CDH3: variants seen among roughly 807,000 people sequenced by gnomAD.
CDH3 encodes cadherin-3.
Under a neutral mutation model 82.0 loss-of-function variants are expected in CDH3, and 54 were observed. The observed-to-expected ratio is 0.66, with a 90% confidence interval of 0.53 to 0.83. The LOEUF is 0.83. CDH3 is among the 40% of genes least tolerant of loss of function. The probability of loss-of-function intolerance (pLI) is 0.00; values close to 1 mark genes in which losing one functional copy is unlikely to be tolerated. For synonymous variants in CDH3, 446 were observed against 437.9 expected, an observed-to-expected ratio of 1.02 and a Z score of -0.23; for missense variants, 1,054 against 1,084.6, an observed-to-expected ratio of 0.97 and a Z score of 0.40.
intron 2 of CDH3, among the ~76,000 whole-genome samples, chr16:68,660,966 CAAAA>C (rs10590071): frequency 9.4e-5 from 11 of 117,020 alleles, no homozygotes; most frequent in Admixed American, 3.6e-4. Context: ...GACTCCGTCT[CAAAA>C]AAAAAAAAAA....
intron 10 of CDH3, 31 bp from the exon 11 acceptor site, chr16:68,685,174 G>T: frequency 6.2e-7 from 1 of 1,612,238 alleles, no homozygotes; most frequent in Non-Finnish European, 8.5e-7. Context: ...TAAATATTCT[G>T]GATGTACTCG....
At chr16:68,676,361 GCT>G in intron 2 of CDH3, 22 bp from the exon 3 acceptor site, 10 of 1,567,354 alleles carry the variant, frequency 6.4e-6, no homozygotes, top group South Asian at 1.1e-5. Context: ...CCTTCCTAAT[GCT>G]CTCTCTTCCC....
intron 13 of CDH3, 108 bp downstream of exon 13, chr16:68,692,034 C>T: frequency 1.2e-6 from 1 of 808,528 alleles, no homozygotes; most frequent in Non-Finnish European, 2.0e-6. Flanking sequence ...ATTGCCCGTC[C>T]ACTCCTTAAA....
At chr16:68,678,029 G>T in intron 3 of CDH3, 105 bp from the exon 4 acceptor site, 1 of 1,062,728 alleles carries the variant, frequency 9.4e-7, no homozygotes, top group South Asian at 1.3e-5. Flanking sequence ...GATTATAGGC[G>T]TGAGCTACCA....
At chr16:68,730,361 T>C (rs983009568), downstream of CDH3, among the ~76,000 whole-genome samples, 13 of 151,218 alleles carry the variant, frequency 8.6e-5, no homozygotes, top group African/African-American at 2.7e-4. Flanking sequence ...ACCCCGTCTC[T>C]ACTAAAACCA....
intron 2 of CDH3, among the ~76,000 whole-genome samples, chr16:68,663,552 T>G (rs1044575056): frequency 2.0e-5 from 3 of 152,052 alleles, no homozygotes. Flanking sequence ...CCTTATTTCA[T>G]TTTTTTCAAA....
At chr16:68,715,422 CA>C (rs71148937) in intron 1 of CDH3, among the ~76,000 whole-genome samples, 11 of 141,784 alleles carry the variant, frequency 7.8e-5, no homozygotes, top group South Asian at 2.3e-4. Context: ...GCACGACTCT[CA>C]AAAAAAAAAG....
In CDH3 at chr16:68,677,692, C is replaced by G. The variant is rs558551571; in HGVS notation, c.247-442C>G. On this transcript the variant is annotated intron_variant, in intron 3 of 15. Transcript: ENST00000264012. ...GGCAGAGGTTGCAGTGAGCTGAGATCGTGCCACTGCACTCCAGCCTGGGTG... is the reference window on the plus strand; with the variant it reads ...GGCAGAGGTTGCAGTGAGCTGAGATGGTGCCACTGCACTCCAGCCTGGGTG... Among the ~76,000 whole-genome samples, 4 of 152,262 alleles carry G rather than the reference C, an allele frequency of 2.6e-5. No individual in the cohort carries two copies. The South Asian group carries it at 8.3e-4, about 32-fold the overall frequency.
intron 2 of CDH3, among the ~76,000 whole-genome samples, chr16:68,655,984 G>A (rs146134898): frequency 2.4e-3 from 368 of 152,302 alleles, no homozygotes; most frequent in Middle Eastern, 6.8e-3. Context: ...GGCAGCCAAG[G>A]AAGAAGAATT....
chr16:68,703,082 C>T (rs114253081), downstream of CDH3, among the ~76,000 whole-genome samples: 1,467 of 152,302 alleles, frequency 9.6e-3, 27 homozygotes, highest in African/African-American at 0.034. Flanking sequence ...GATGGGCCAG[C>T]GGCCAGGCCT....
At chr16:68,687,313 A>G (rs1045971576) in intron 11 of CDH3, among the ~76,000 whole-genome samples, 199 bp from the exon 12 acceptor site, 2 of 152,166 alleles carry the variant, frequency 1.3e-5, no homozygotes, top group Admixed American at 1.3e-4. Context: ...AAGTGGCTGC[A>G]ACTGTGTCAT....
intron 11 of CDH3, chr16:68,686,541 G>T: frequency 8.6e-7 from 1 of 1,159,976 alleles, no homozygotes. Context: ...GATTCTAAAG[G>T]AAAGGGTGGA....
At chr16:68,671,798 A>G (rs1198737827) in intron 2 of CDH3, among the ~76,000 whole-genome samples, 1 of 152,122 alleles carries the variant, frequency 6.6e-6, no homozygotes, top group Non-Finnish European at 1.5e-5. Flanking sequence ...CTGGGATTAC[A>G]GGCGTGAGAT....
In CDH3 at chr16:68,645,710, G is replaced by C; in HGVS notation, c.120G>C (p.Ala40=). 8 of 1,545,772 alleles carry C rather than the reference G, an allele frequency of 5.2e-6. No homozygotes were observed. Among genetic ancestry groups the C allele is most frequent in the Non-Finnish European group, 7.0e-6 (8 of 1,146,512 alleles). ...GGGAGGCTGAAGTGACCTTGGAGGC[G>C]GGAGGCGCGGAGCAGGAGCCCGGCC... ...VFREAEVTLE[A]GGAEQEPGQA... Residue 40 remains alanine, a synonymous_variant, in exon 2 of 16, where the codon GCG becomes GCC. Transcript: ENST00000264012.
At chr16:68,727,503 A>C (rs550899931), downstream of CDH3, among the ~76,000 whole-genome samples, 1 of 152,224 alleles carries the variant, frequency 6.6e-6, no homozygotes, top group Admixed American at 6.6e-5. Context: ...CCAAATCTGT[A>C]AAATGGTCAC....
intron 2 of CDH3, chr16:68,651,461 G>A (rs550166614): frequency 2.1e-4 from 115 of 536,684 alleles, no homozygotes; most frequent in African/African-American, 1.9e-3. Flanking sequence ...GCAGCCCGAT[G>A]ACGCACTGGC....
At chr16:68,694,239 G>T (rs142169634) in intron 13 of CDH3, among the ~76,000 whole-genome samples, 7,003 of 150,938 alleles carry the variant, frequency 0.046, 368 homozygotes, top group African/African-American at 0.13. Context: ...CTTGAACCTG[G>T]GAGGCAGAGG....
chr16:68,658,846 G>A (rs1960479416), intron 2 of CDH3, among the ~76,000 whole-genome samples: 1 of 152,130 alleles, frequency 6.6e-6, no homozygotes, highest in Non-Finnish European at 1.5e-5. Context: ...TGAGTCAGTA[G>A]TTTGCAAGCT....
chr16:68,714,501 G>A (rs913202758), intron 1 of CDH3, among the ~76,000 whole-genome samples: 18 of 152,010 alleles, frequency 1.2e-4, no homozygotes, highest in Non-Finnish European at 2.5e-4. Context: ...TTTTCCCCAG[G>A]AAGCCTTCTG....
Sources: gnomAD v4.1 joint callset for allele counts (sites outside exome capture counted in the v4.1 genomes callset) on GRCh38, gnomAD v4.1.1 for gene constraint, MANE v1.5 for transcripts, NCBI Gene and HGNC (gene_info 2026-07-23, HGNC 2026-07-21) for gene names.